The following TTC29 variants were observed in gnomAD, a reference collection of about 807,000 sequenced individuals.
The protein encoded by TTC29 is tetratricopeptide repeat protein 29.
TTC29 carries 49 observed loss-of-function variants against 58.1 expected under a neutral mutation model. That is an observed-to-expected ratio of 0.84 (90% CI 0.67 to 1.07). The LOEUF is 1.07. TTC29 is among the 50% of genes least tolerant of loss of function. The pLI is 0.00. For synonymous variants in TTC29, 209 were observed against 196.8 expected (o/e 1.06, Z -0.52); for missense variants, 582 against 555.6 (o/e 1.05, Z -0.48).
chr4:146,864,004 A>G (rs1730410169), intron 8 of TTC29, among the ~76,000 whole-genome samples: 1 of 152,126 alleles, frequency 6.6e-6, no homozygotes, highest in African/African-American at 2.4e-5. Flanking sequence ...ACACCCAGAA[A>G]TGTTTCGCCA....
intron 8 of TTC29, among the ~76,000 whole-genome samples, chr4:146,845,693 C>A (rs1377821618): frequency 2.0e-5 from 3 of 152,144 alleles, no homozygotes; most frequent in Non-Finnish European, 4.4e-5. Context: ...CCCAGCCGTA[C>A]AGACCTTTCA....
chr4:146,736,388 A>C (rs1744711072), intron 11 of TTC29, among the ~76,000 whole-genome samples: 1 of 152,160 alleles, frequency 6.6e-6, no homozygotes, highest in East Asian at 1.9e-4. Context: ...CCTTTACCTG[A>C]CTGTATCATG....
chr4:146,807,562 C>A (rs1188481689), intron 10 of TTC29, among the ~76,000 whole-genome samples: 1 of 152,124 alleles, frequency 6.6e-6, no homozygotes. Context: ...GGGGATATCA[C>A]TACTGATCTC....
At chr4:146,759,380 T>C (rs1579610216) in intron 11 of TTC29, among the ~76,000 whole-genome samples, 1 of 151,912 alleles carries the variant, frequency 6.6e-6, no homozygotes, top group African/African-American at 2.4e-5. Context: ...GTACCAATAC[T>C]TCTGACACTA....
chr4:146,797,658 C>T (rs1396410934), intron 11 of TTC29, among the ~76,000 whole-genome samples: 2 of 151,718 alleles, frequency 1.3e-5, no homozygotes, highest in African/African-American at 4.8e-5. Context: ...CCACCTCACC[C>T]TGGCTGCTTT....
rs113308053 is a variant in TTC29, at chr4:146,728,895, G to GTATATA, written c.1331-21350_1331-21345dup. On this transcript the variant is annotated intron_variant, in intron 11 of 12. Coordinates refer to ENST00000325106, the MANE Select transcript of TTC29 (RefSeq NM_031956.4). Reference sequence around the variant, plus strand: ...TGTGTGTATATATATATGTGTGTATGTATATATATATGTACGTATCTGTCT... The same window carrying GTATATA: ...TGTGTGTATATATATATGTGTGTATGTATATATATATATATATGTACGTATCTGTCT... Among the ~76,000 whole-genome samples, 13 of 84,418 alleles carry GTATATA rather than the reference G, an allele frequency of 1.5e-4. 1 individual carries two copies. The highest frequency in any genetic ancestry group is 8.8e-4 in the Admixed American group (7 of 7,998). 55.4% of individuals were successfully genotyped at this position (84,418 alleles called of 152,430 possible).
At chr4:146,830,750 CAT>C (rs1041073558) in intron 9 of TTC29, among the ~76,000 whole-genome samples, 28 of 152,042 alleles carry the variant, frequency 1.8e-4, no homozygotes, top group Non-Finnish European at 2.9e-5. Flanking sequence ...AGGGCTGGTA[CAT>C]GTGTGTGTTT....
intron 11 of TTC29, among the ~76,000 whole-genome samples, chr4:146,736,909 C>G (rs1744747417): frequency 6.6e-6 from 1 of 152,174 alleles, no homozygotes; most frequent in African/African-American, 2.4e-5. Flanking sequence ...CTCTGAAACT[C>G]TGTGAGGTGC....
intron 4 of TTC29, among the ~76,000 whole-genome samples, chr4:146,914,428 A>G (rs1734087646): frequency 6.6e-6 from 1 of 152,206 alleles, no homozygotes; most frequent in Non-Finnish European, 1.5e-5. Context: ...GTCTAAATTA[A>G]CAGATGCTGT....
chr4:146,723,179 G>A (rs1173882798), intron 11 of TTC29, among the ~76,000 whole-genome samples: 2 of 151,900 alleles, frequency 1.3e-5, no homozygotes, highest in South Asian at 2.1e-4. Context: ...ACTGGGAGGC[G>A]GAGGTTGCAC....
chr4:146,781,539 T>C (rs1748605494), intron 11 of TTC29, among the ~76,000 whole-genome samples: 1 of 151,894 alleles, frequency 6.6e-6, no homozygotes, highest in African/African-American at 2.4e-5. Flanking sequence ...GACAAATCAG[T>C]AGGCTGTAAG....
At chr4:146,737,576 G>A (rs1375841623) in intron 11 of TTC29, among the ~76,000 whole-genome samples, 2 of 122,180 alleles carry the variant, frequency 1.6e-5, no homozygotes, top group Non-Finnish European at 3.3e-5. Flanking sequence ...AAGTGAGGCT[G>A]ATGCTAGTAG....
chr4:146,923,297 A>G (rs930221293), intron 4 of TTC29, among the ~76,000 whole-genome samples: 1 of 151,802 alleles, frequency 6.6e-6, no homozygotes, highest in African/African-American at 2.4e-5. Context: ...GTAGCTCAAT[A>G]TCATTATTAT....
intron 8 of TTC29, among the ~76,000 whole-genome samples, chr4:146,838,399 CAA>C (rs34339203): frequency 5.3e-5 from 8 of 150,600 alleles, no homozygotes; most frequent in African/African-American, 1.5e-4. Flanking sequence ...TGTCAACTGT[CAA>C]AAAAAAAATA....
chr4:146,943,129 G>A (rs1321208643), intron 2 of TTC29: 1 of 147,944 alleles, frequency 6.8e-6, no homozygotes, highest in Non-Finnish European at 1.5e-5. Context: ...TGACATACAT[G>A]GAGAGGGATA....
intron 11 of TTC29, among the ~76,000 whole-genome samples, chr4:146,728,827 A>ATATATACATATATATGTGTATATATACG (rs1561066581): frequency 1.5e-5 from 1 of 67,744 alleles, no homozygotes; most frequent in South Asian, 6.2e-4. Context: ...GTATATATAC[A>ATATATACATATATATGTGTATATATACG]TATATATACA....
chr4:146,857,081 T>C (rs1031768227), intron 8 of TTC29, among the ~76,000 whole-genome samples: 7 of 152,238 alleles, frequency 4.6e-5, no homozygotes, highest in African/African-American at 7.2e-5. Context: ...CTTAAGATTA[T>C]ATAATAATTC....
intron 2 of TTC29, chr4:146,943,051 T>A (rs1372601139): frequency 6.4e-6 from 1 of 155,518 alleles, no homozygotes; most frequent in Non-Finnish European, 1.4e-5. Context: ...TTTATCCTTT[T>A]TGATGTTTAC....
At chr4:146,864,174 A>G (rs895814825) in intron 8 of TTC29, among the ~76,000 whole-genome samples, 3 of 152,024 alleles carry the variant, frequency 2.0e-5, no homozygotes, top group African/African-American at 4.8e-5. Flanking sequence ...AATTCTACAT[A>G]TCCAAAATTG....
Sources: allele counts gnomAD v4.1 joint callset (sites outside exome capture counted in the v4.1 genomes callset), GRCh38; gene constraint gnomAD v4.1.1; transcripts MANE v1.5; gene names NCBI Gene and HGNC (gene_info 2026-07-23, HGNC 2026-07-21).